Variants in DCLK1 observed in about 807,000 individuals in gnomAD.
DCLK1 encodes the protein doublecortin like kinase 1.
A neutral mutation model predicts 86.2 loss-of-function variants in DCLK1; 16 were observed. The ratio of observed to expected loss-of-function variants is 0.19; its 90% CI spans 0.13 to 0.28. DCLK1 has a LOEUF of 0.28. Ranked by LOEUF, DCLK1 falls within the 10% of genes least tolerant of loss-of-function variation. The pLI is 1.00. For missense variants in DCLK1, 590 were observed against 940.2 expected (o/e 0.63, Z 4.87); for synonymous variants, 369 against 370.5 (o/e 1.00, Z 0.05).
intron 4 of DCLK1, among the ~76,000 whole-genome samples, chr13:35,872,260 T>G (rs1483417106): frequency 6.6e-6 from 1 of 152,214 alleles, no homozygotes; most frequent in Non-Finnish European, 1.5e-5. Flanking sequence ...CATGATCAAA[T>G]GATACTTTAT....
intron 5 of DCLK1, among the ~76,000 whole-genome samples, chr13:35,867,864 AAAGAAAGAGAG>A (rs1225699539): frequency 7.2e-4 from 96 of 133,362 alleles, no homozygotes; most frequent in East Asian, 1.1e-3. Context: ...AGAAAGAAAG[AAAGAAAGAGAG>A]AGGGAGAGAG....
intron 16 of DCLK1, among the ~76,000 whole-genome samples, chr13:35,781,100 A>G (rs1359944074): frequency 6.6e-6 from 1 of 152,232 alleles, no homozygotes; most frequent in Non-Finnish European, 1.5e-5. Context: ...CTAACGTTAA[A>G]GGAAAAACAT....
chr13:35,881,505 G>A (rs1398724324), intron 4 of DCLK1, among the ~76,000 whole-genome samples: 9 of 152,142 alleles, frequency 5.9e-5, no homozygotes, highest in Non-Finnish European at 1.3e-4. Flanking sequence ...GATGTTGGCT[G>A]ACTCCTTGCT....
chr13:35,850,579 A>C (rs527520563), intron 6 of DCLK1: 43 of 1,270,760 alleles, frequency 3.4e-5, no homozygotes, highest in Admixed American at 4.1e-5. Flanking sequence ...AAATGCATAC[A>C]TATTTACTTT....
chr13:35,802,758 T>TAA (rs993663628), intron 15 of DCLK1, among the ~76,000 whole-genome samples: 4 of 151,970 alleles, frequency 2.6e-5, no homozygotes, highest in African/African-American at 9.7e-5. Flanking sequence ...TAAGCATCAT[T>TAA]AAAAAAAAGT....
chr13:36,053,377 G>T (rs1284286462), intron 3 of DCLK1, among the ~76,000 whole-genome samples: 1 of 152,120 alleles, frequency 6.6e-6, no homozygotes, highest in South Asian at 2.1e-4. Flanking sequence ...CAAGGGCTCA[G>T]CGGATGCAGA....
intron 3 of DCLK1, among the ~76,000 whole-genome samples, chr13:36,080,006 C>T (rs1242296765): frequency 6.6e-6 from 1 of 152,178 alleles, no homozygotes; most frequent in Non-Finnish European, 1.5e-5. Context: ...AGCATATTAA[C>T]AATTCTGCAG....
chr13:36,000,377 G>A (rs971690987), intron 3 of DCLK1, among the ~76,000 whole-genome samples: 1 of 152,160 alleles, frequency 6.6e-6, no homozygotes, highest in African/African-American at 2.4e-5. Context: ...AGTTCTAGGG[G>A]TGAGGATGAA....
At chr13:35,980,326 G>A (rs544239630) in intron 3 of DCLK1, among the ~76,000 whole-genome samples, 5 of 151,988 alleles carry the variant, frequency 3.3e-5, no homozygotes, top group East Asian at 1.9e-4. Flanking sequence ...GCAGTAGTAC[G>A]CACCTGTGGT....
At chr13:35,797,953 G>A (rs909001489) in intron 15 of DCLK1, among the ~76,000 whole-genome samples, 3 of 152,094 alleles carry the variant, frequency 2.0e-5, no homozygotes, top group Admixed American at 2.0e-4. Context: ...TTCTAAACGT[G>A]ACAAATCTGG....
At chr13:35,808,453 A>G (rs1435057321) in intron 13 of DCLK1, 133 bp from the exon 14 acceptor site, 1 of 808,958 alleles carries the variant, frequency 1.2e-6, no homozygotes, top group African/African-American at 1.7e-5. Flanking sequence ...TAATCGATTG[A>G]AAAATGTCAA....
intron 10 of DCLK1, among the ~76,000 whole-genome samples, chr13:35,825,147 G>T (rs2087489990): frequency 6.6e-6 from 1 of 152,174 alleles, no homozygotes; most frequent in South Asian, 2.1e-4. Context: ...CATGAGCCTT[G>T]TTTGTCTGAG....
At chr13:35,937,900 G>T (rs1275214279) in intron 4 of DCLK1, among the ~76,000 whole-genome samples, 1 of 152,142 alleles carries the variant, frequency 6.6e-6, no homozygotes, top group Admixed American at 6.6e-5. Flanking sequence ...TGAGATGACA[G>T]AGATGACTGG....
chr13:35,828,333 A>G, intron 8 of DCLK1, 26 bp from the exon 9 acceptor site: 1 of 1,585,996 alleles, frequency 6.3e-7, no homozygotes, highest in Non-Finnish European at 8.6e-7. Flanking sequence ...TCATGTTTTT[A>G]AAATGAAACT....
rs923942181 is a variant in DCLK1, at chr13:35,768,770, T to C, written c.*5765A>G. 1 of 152,248 alleles carries C rather than the reference T, an allele frequency of 6.6e-6. No individual in the cohort carries two copies. Among genetic ancestry groups the C allele is most frequent in the Non-Finnish European group, 1.5e-5 (1 of 68,046 alleles). 9.4% of individuals were successfully genotyped at this position (152,248 alleles called of 1,614,324 possible). ...TGAATTATGCTCATGAAATACACAC[T>C]GTGCTATGGAGGACATGTGGGAAAG... On this transcript the variant is annotated 3_prime_UTR_variant, in exon 17 of 17. Transcript: ENST00000360631.
At chr13:36,029,077 T>A (rs1882162416) in intron 3 of DCLK1, among the ~76,000 whole-genome samples, 1 of 152,228 alleles carries the variant, frequency 6.6e-6, no homozygotes, top group Non-Finnish European at 1.5e-5. Context: ...TTTGTTTCTT[T>A]ATTTCTCTAA....
intron 7 of DCLK1, among the ~76,000 whole-genome samples, chr13:35,836,568 T>C (rs1428237133): frequency 1.3e-5 from 2 of 152,170 alleles, no homozygotes; most frequent in East Asian, 1.9e-4. Flanking sequence ...TGTACAAGCA[T>C]GAAAATTGCC....
intron 4 of DCLK1, among the ~76,000 whole-genome samples, chr13:35,908,415 A>G (rs1289426560): frequency 6.6e-6 from 1 of 152,198 alleles, no homozygotes; most frequent in Admixed American, 6.5e-5. Flanking sequence ...GACCTGGATT[A>G]TGCTAATTCT....
At chr13:35,802,018 T>TG (rs2086930346) in intron 15 of DCLK1, among the ~76,000 whole-genome samples, 1 of 152,216 alleles carries the variant, frequency 6.6e-6, no homozygotes, top group East Asian at 1.9e-4. Flanking sequence ...CCTCCTTCTC[T>TG]GGGCTCTGGG....
Sources: gnomAD v4.1 joint callset for allele counts (sites outside exome capture counted in the v4.1 genomes callset) on GRCh38, gnomAD v4.1.1 for gene constraint, MANE v1.5 for transcripts, NCBI Gene and HGNC (gene_info 2026-07-23, HGNC 2026-07-21) for gene names.